Variants in DISC1 observed in about 807,000 individuals in gnomAD.
DISC1 encodes the protein disrupted in schizophrenia 1 protein.
Under a neutral mutation model 84.5 loss-of-function variants are expected in DISC1, and 57 were observed. That is an observed-to-expected ratio of 0.67 (90% confidence interval 0.55 to 0.84). The LOEUF (loss-of-function observed/expected upper bound fraction) is 0.84. Among genes scored for constraint, DISC1 ranks in the 40% least tolerant of loss-of-function variants. The pLI is 0.00. For missense variants in DISC1, 1,000 were observed against 1,057.8 expected (o/e 0.95, Z 0.76); for synonymous variants, 411 against 415.2 (o/e 0.99, Z 0.12).
chr1:231,662,349 G>T (rs2061629458), intron 1 of DISC1, among the ~76,000 whole-genome samples: 1 of 152,198 alleles, frequency 6.6e-6, no homozygotes, highest in South Asian at 2.1e-4. Flanking sequence ...GGCTGGAATG[G>T]TTGAGTCCAC....
intron 1 of DISC1, among the ~76,000 whole-genome samples, chr1:231,648,045 C>T (rs1314894717): frequency 6.6e-6 from 1 of 152,220 alleles, no homozygotes; most frequent in Non-Finnish European, 1.5e-5. Flanking sequence ...ATGGAATACT[C>T]TTTATTTCTT....
At chr1:231,970,588 G>A (rs1661806206) in intron 10 of DISC1, among the ~76,000 whole-genome samples, 1 of 152,154 alleles carries the variant, frequency 6.6e-6, no homozygotes, top group African/African-American at 2.4e-5. Flanking sequence ...CTTTGCCATT[G>A]ATAATTCAAC....
chr1:231,903,547 A>C (rs1302383874), intron 9 of DISC1, among the ~76,000 whole-genome samples: 1 of 152,192 alleles, frequency 6.6e-6, no homozygotes, highest in Non-Finnish European at 1.5e-5. Context: ...CTGTGTGGGG[A>C]GGCTCTATTC....
At chr1:231,893,290 G>T (rs929868087) in intron 9 of DISC1, among the ~76,000 whole-genome samples, 1 of 152,118 alleles carries the variant, frequency 6.6e-6, no homozygotes, top group Non-Finnish European at 1.5e-5. Flanking sequence ...AGGTTTAAAA[G>T]ACCTTGGATC....
intron 9 of DISC1, among the ~76,000 whole-genome samples, chr1:231,886,813 T>TTC (rs1350168360): frequency 6.9e-6 from 1 of 145,514 alleles, no homozygotes; most frequent in African/African-American, 2.6e-5. Flanking sequence ...CTTTCTTTCT[T>TTC]TCTTTCTTTC....
chr1:231,688,197 C>A (rs547861051), intron 1 of DISC1, among the ~76,000 whole-genome samples: 22 of 152,140 alleles, frequency 1.4e-4, no homozygotes, highest in African/African-American at 5.1e-4. Context: ...TTGTTCCTTA[C>A]CCTGGTGCTT....
At chr1:231,723,163 G>A in intron 3 of DISC1, 1 of 872,984 alleles carries the variant, frequency 1.1e-6, no homozygotes, top group Non-Finnish European at 1.4e-6. Context: ...CTCCATATCT[G>A]CAGGTTTTAC....
In DISC1 at chr1:231,626,900, CGCCGCCGGCGGCGGCGGCGTGA is replaced by C; in HGVS notation, c.37_58del (p.Ala13ThrfsTer27). 5 of 1,501,792 alleles carry C rather than the reference CGCCGCCGGCGGCGGCGGCGTGA, an allele frequency of 3.3e-6. No individual in the cohort carries two copies. Among genetic ancestry groups the C allele is most frequent in the Non-Finnish European group, 3.5e-6 (4 of 1,133,766 alleles). 93.0% of individuals were successfully genotyped at this position (1,501,792 alleles called of 1,614,324 possible). On this transcript the variant is annotated frameshift_variant, in exon 1 of 13. Transcript: ENST00000439617. LOFTEE classifies it high-confidence loss of function. Reference sequence around the variant, plus strand: ...GCGGGGGTCCTCAGGGCGCCCCAGCCGCCGCCGGCGGCGGCGGCGTGAGCCACCGCGCAGGTAGGGGAGCTGC... The same window carrying C: ...GCGGGGGTCCTCAGGGCGCCCCAGCCGCCACCGCGCAGGTAGGGGAGCTGC...
chr1:231,641,212 T>A (rs2059628620), intron 1 of DISC1, among the ~76,000 whole-genome samples: 1 of 152,224 alleles, frequency 6.6e-6, no homozygotes, highest in Non-Finnish European at 1.5e-5. Flanking sequence ...CTCACTGACT[T>A]CAAAAATGAA....
chr1:231,822,855 AAG>A (rs1422572750), intron 9 of DISC1, among the ~76,000 whole-genome samples: 1 of 152,066 alleles, frequency 6.6e-6, no homozygotes, highest in African/African-American at 2.4e-5. Flanking sequence ...AGGAAGCAAA[AAG>A]AGAGAGAAGG....
intron 1 of DISC1, among the ~76,000 whole-genome samples, chr1:231,676,246 ATTTT>A (rs1246545940): frequency 6.6e-6 from 1 of 152,200 alleles, no homozygotes; most frequent in Non-Finnish European, 1.5e-5. Flanking sequence ...CCTTTGGAAC[ATTTT>A]TAGGTCCCGA....
intron 10 of DISC1, among the ~76,000 whole-genome samples, chr1:231,984,915 C>T (rs949590908): frequency 2.0e-5 from 3 of 152,198 alleles, no homozygotes; most frequent in South Asian, 2.1e-4. Context: ...GGGTCAAGAA[C>T]GTAGATTTTG....
chr1:232,001,968 T>C (rs975385543), intron 10 of DISC1, among the ~76,000 whole-genome samples: 1 of 152,196 alleles, frequency 6.6e-6, no homozygotes, highest in Admixed American at 6.5e-5. Context: ...CTGGGAGACA[T>C]GTTTGTAACC....
At chr1:232,024,323 G>C (rs1401706116) in intron 11 of DISC1, among the ~76,000 whole-genome samples, 2 of 152,034 alleles carry the variant, frequency 1.3e-5, no homozygotes, top group African/African-American at 4.8e-5. Flanking sequence ...CAAGTTATTT[G>C]CAGTTCCCAT....
chr1:231,937,656 G>C (rs1489410996), intron 9 of DISC1, among the ~76,000 whole-genome samples: 1 of 152,152 alleles, frequency 6.6e-6, no homozygotes, highest in South Asian at 2.1e-4. Flanking sequence ...GCGGGTGGAT[G>C]GGGGGATGTC....
intron 11 of DISC1, among the ~76,000 whole-genome samples, chr1:232,022,311 C>CT (rs764839678): frequency 0.021 from 2,903 of 135,902 alleles, 90 homozygotes; most frequent in African/African-American, 0.07. Context: ...ACCCATGGTT[C>CT]TTTTTTTTTT....
intron 6 of DISC1, among the ~76,000 whole-genome samples, chr1:231,776,586 A>G (rs752690143): frequency 2.6e-5 from 4 of 152,184 alleles, no homozygotes; most frequent in African/African-American, 4.8e-5. Flanking sequence ...GCCACTAGCT[A>G]AACTGCCCAG....
chr1:231,973,824 G>A (rs1225199238), intron 10 of DISC1, among the ~76,000 whole-genome samples: 1 of 152,112 alleles, frequency 6.6e-6, no homozygotes, highest in Non-Finnish European at 1.5e-5. Flanking sequence ...TAATAGCAAG[G>A]AGACCATCTA....
intron 1 of DISC1, among the ~76,000 whole-genome samples, chr1:231,652,990 G>A (rs1215699264): frequency 6.6e-6 from 1 of 152,134 alleles, no homozygotes; most frequent in Non-Finnish European, 1.5e-5. Context: ...ATGTTGGCCA[G>A]GCTGGTCTTG....
Sources: allele counts gnomAD v4.1 joint callset (sites outside exome capture counted in the v4.1 genomes callset), GRCh38; gene constraint gnomAD v4.1.1; transcripts MANE v1.5; gene names NCBI Gene and HGNC (gene_info 2026-07-23, HGNC 2026-07-21).